The following LMF1 variants were observed in gnomAD, a reference collection of about 807,000 sequenced individuals.
LMF1 encodes the protein lipase maturation factor 1, also known as transmembrane protein 112.
A neutral mutation model predicts 60.6 loss-of-function variants in LMF1; 68 were observed. That is an observed-to-expected ratio of 1.12 (90% confidence interval 0.92 to 1.37). The LOEUF is 1.37. Ranked by LOEUF, LMF1 falls within the 40% of genes most tolerant of loss-of-function variation. LMF1 has a pLI of 0.00. For synonymous variants in LMF1, 418 were observed against 324.7 expected (o/e 1.29, Z -3.09); for missense variants, 948 against 767.2 (o/e 1.24, Z -2.78).
At chr16:922,376 G>A (rs527458278) in intron 3 of LMF1, among the ~76,000 whole-genome samples, 25 of 152,356 alleles carry the variant, frequency 1.6e-4, no homozygotes, top group Admixed American at 8.5e-4. Flanking sequence ...CAGGTAGGCA[G>A]AATGGCAGGC....
At chr16:894,560 G>C (rs901804836) in intron 4 of LMF1, among the ~76,000 whole-genome samples, 1 of 152,178 alleles carries the variant, frequency 6.6e-6, no homozygotes, top group African/African-American at 2.4e-5. Context: ...GCGCAGGTGC[G>C]ACAAGGCGCA....
Position 892,991 on chromosome 16 carries a change from T to G in LMF1, c.729+16A>C. 1 of 1,540,562 alleles carries G rather than the reference T, an allele frequency of 6.5e-7. No individual in the cohort carries two copies. Among genetic ancestry groups the G allele is most frequent in the Non-Finnish European group, 8.8e-7 (1 of 1,138,880 alleles). On this transcript the variant is annotated intron_variant, in intron 5 of 10. Coordinates refer to ENST00000262301, the MANE Select transcript of LMF1 (RefSeq NM_022773.4). ...GAGACCGGGTGCCCTGCCCTCACGC[T>G]GCACGGCACGCTCACCTCATAGTGG...
chr16:917,295 G>A, intron 3 of LMF1, among the ~76,000 whole-genome samples: 1 of 108,444 alleles, frequency 9.2e-6, no homozygotes, highest in East Asian at 2.6e-4. Context: ...CGTGTGCACT[G>A]CGGGCGGGCA....
Position 878,249 on chromosome 16 carries a change from C to A in LMF1, c.897+1321G>T, listed in dbSNP as rs1201893363. ...GCTGGGGGACGATCTGTGAGCAAGT[C>A]CGTTCTTCCCACTTAGATTCACGGC... is the stretch of plus-strand genomic sequence containing the variant. On this transcript the variant is annotated intron_variant, in intron 6 of 10. Coordinates refer to ENST00000262301, the MANE Select transcript of LMF1 (RefSeq NM_022773.4). This position sits in a 1 kb window ranked among gnomAD's most constrained non-coding sequence, Gnocchi z 5.2. Among the ~76,000 whole-genome samples, 1 of 152,138 alleles carries A rather than the reference C, an allele frequency of 6.6e-6. No homozygotes were observed. Among genetic ancestry groups the A allele is most frequent in the Non-Finnish European group, 1.5e-5 (1 of 68,036 alleles).
At chr16:888,445 C>A (rs922592252) in intron 5 of LMF1, among the ~76,000 whole-genome samples, 1 of 152,198 alleles carries the variant, frequency 6.6e-6, no homozygotes, top group Non-Finnish European at 1.5e-5. Context: ...TCAAAACCAT[C>A]TGTGGGAGTC....
intron 2 of LMF1, among the ~76,000 whole-genome samples, chr16:942,803 T>C (rs2151450862): frequency 6.6e-6 from 1 of 152,270 alleles, no homozygotes; most frequent in South Asian, 2.1e-4. Context: ...CACCTGGTGC[T>C]ATATGCCCCA....
intron 4 of LMF1, chr16:900,878 CA>C (rs1239955665): frequency 6.6e-6 from 1 of 152,172 alleles, no homozygotes; most frequent in Non-Finnish European, 1.5e-5. Context: ...TTAACTTTGC[CA>C]GCTTTTGGAA....
At chr16:906,459 C>T (rs895223873) in intron 4 of LMF1, among the ~76,000 whole-genome samples, 2 of 152,176 alleles carry the variant, frequency 1.3e-5, no homozygotes, top group East Asian at 1.9e-4. Context: ...CGGGCCTACC[C>T]TCCCAGCCCG....
At chr16:925,904 T>G (rs1305558553) in intron 3 of LMF1, among the ~76,000 whole-genome samples, 1 of 152,280 alleles carries the variant, frequency 6.6e-6, no homozygotes, top group Non-Finnish European at 1.5e-5. Flanking sequence ...CATGTGTGTC[T>G]GTGTGCATGT....
chr16:853,920 T>G lies in LMF1; in HGVS notation c.*612A>C, dbSNP rs915364982. 1.1e-5 allele frequency: 5 copies of G among 453,870 alleles called. No individual in the cohort carries two copies. Among genetic ancestry groups the G allele is most frequent in the African/African-American group, 1.0e-4 (5 of 49,906 alleles). 28.1% of individuals were successfully genotyped at this position (453,870 alleles called of 1,614,324 possible). On this transcript the variant is annotated 3_prime_UTR_variant, in exon 11 of 11. Coordinates refer to ENST00000262301, the MANE Select transcript of LMF1 (RefSeq NM_022773.4). ...GCCAAGAACACATGTGTGCACAGGC[T>G]GTGTGTGCCTGCATGTGTGGGATGC...
At chr16:880,761 C>T (rs374240720) in intron 5 of LMF1, among the ~76,000 whole-genome samples, 9 of 152,278 alleles carry the variant, frequency 5.9e-5, no homozygotes, top group Non-Finnish European at 8.8e-5. Flanking sequence ...GGCCCCCACA[C>T]GCTGTTTTCT....
chr16:948,840 GCCA>G (rs1382275693), intron 2 of LMF1, among the ~76,000 whole-genome samples: 2 of 94,798 alleles, frequency 2.1e-5, no homozygotes, highest in African/African-American at 1.2e-4. Flanking sequence ...CAGAGTCAGA[GCCA>G]ACGACAGAGT....
intron 10 of LMF1, among the ~76,000 whole-genome samples, chr16:865,032 G>C (rs1177643139): frequency 1.3e-5 from 2 of 152,130 alleles, no homozygotes; most frequent in Non-Finnish European, 2.9e-5. Context: ...TTCCCAACCT[G>C]CTTTCCTATG....
At chr16:979,325 ACCGC>A (rs975849706) in intron 1 of LMF1, 8 of 353,864 alleles carry the variant, frequency 2.3e-5, no homozygotes, top group African/African-American at 4.3e-5. Flanking sequence ...TCACCCACAT[ACCGC>A]CCTCCCGGGA....
intron 10 of LMF1, among the ~76,000 whole-genome samples, chr16:865,199 C>G (rs2069579440): frequency 6.6e-6 from 1 of 152,290 alleles, no homozygotes; most frequent in Non-Finnish European, 1.5e-5. Flanking sequence ...GAAACCTCAC[C>G]TCTATGTCCA....
intron 2 of LMF1, among the ~76,000 whole-genome samples, chr16:940,550 A>G (rs1159897182): frequency 1.3e-5 from 2 of 152,256 alleles, no homozygotes; most frequent in Admixed American, 6.5e-5. Context: ...ACTTTAAAAT[A>G]TCAGTGTCAT....
rs1321540440 is a variant in LMF1 at position 874,077 on chromosome 16, G to T, written c.898-2736C>A. Reference sequence around the variant, plus strand: ...GGTCTCCTTTGCCGGGTGTGGGGGGGGTATGGGAAGTTCTGGAACCAGGCG... The same window carrying T: ...GGTCTCCTTTGCCGGGTGTGGGGGGTGTATGGGAAGTTCTGGAACCAGGCG... On this transcript the variant is annotated intron_variant, in intron 6 of 10. Coordinates refer to ENST00000262301, the MANE Select transcript of LMF1 (RefSeq NM_022773.4). This position sits in a 1 kb window ranked among gnomAD's most constrained non-coding sequence, Gnocchi z 4.1. Among the ~76,000 whole-genome samples the T allele has an allele frequency of 6.6e-6, 1 of 152,210 alleles. No homozygotes were observed. Among genetic ancestry groups the T allele is most frequent in the African/African-American group, 2.4e-5 (1 of 41,442 alleles).
intron 5 of LMF1, among the ~76,000 whole-genome samples, chr16:890,601 G>C (rs551709341): frequency 6.6e-6 from 1 of 152,200 alleles, no homozygotes; most frequent in Non-Finnish European, 1.5e-5. Flanking sequence ...CTCAGTGTCT[G>C]GAGATGGGAG....
chr16:930,087 C>T (rs1165819072), intron 3 of LMF1, among the ~76,000 whole-genome samples: 1 of 91,944 alleles, frequency 1.1e-5, no homozygotes, highest in Non-Finnish European at 1.9e-5. Context: ...TCCGTCTGAA[C>T]GGGGGCGCAG....
Sources: allele counts gnomAD v4.1 joint callset (sites outside exome capture counted in the v4.1 genomes callset), GRCh38; gene constraint gnomAD v4.1.1; non-coding constraint Gnocchi (gnomAD v3.1); transcripts MANE v1.5; gene names NCBI Gene and HGNC (gene_info 2026-07-23, HGNC 2026-07-21).